Variants in PHLPP2 observed in about 807,000 individuals in gnomAD.
The protein encoded by PHLPP2 is PH domain leucine-rich repeat-containing protein phosphatase 2.
A neutral mutation model predicts 124.9 loss-of-function variants in PHLPP2; 66 were observed. The ratio of observed to expected loss-of-function variants is 0.53; its 90% CI spans 0.43 to 0.65. PHLPP2 has a LOEUF of 0.65. Ranked by LOEUF, PHLPP2 falls within the 30% of genes least tolerant of loss-of-function variation. The pLI is 0.00. For synonymous variants in PHLPP2, 681 were observed against 624.7 expected (o/e 1.09, Z -1.34); for missense variants, 1,685 against 1,600.4 (o/e 1.05, Z -0.90).
At chr16:71,655,751 A>G (rs1242009791) in intron 16 of PHLPP2, among the ~76,000 whole-genome samples, 1 of 152,024 alleles carries the variant, frequency 6.6e-6, no homozygotes, top group African/African-American at 2.4e-5. Context: ...TGGCCTCCCA[A>G]AGTCCTGGGA....
At chr16:71,652,628 T>C (rs2044704601) in intron 18 of PHLPP2, among the ~76,000 whole-genome samples, 162 bp downstream of exon 18, 1 of 152,236 alleles carries the variant, frequency 6.6e-6, no homozygotes, top group South Asian at 2.1e-4. Context: ...TGATCAGATT[T>C]TCCTCCAGTA....
At chr16:71,692,865 GGAC>G (rs1188320294) in intron 3 of PHLPP2, among the ~76,000 whole-genome samples, 1 of 151,634 alleles carries the variant, frequency 6.6e-6, no homozygotes, top group African/African-American at 2.4e-5. Flanking sequence ...TTGTGGATAT[GGAC>G]GACTGACTGT....
At chr16:71,700,523 T>TC (rs1329896111) in intron 3 of PHLPP2, among the ~76,000 whole-genome samples, 1 of 134,026 alleles carries the variant, frequency 7.5e-6, no homozygotes, top group East Asian at 2.1e-4. Context: ...TCATTTCTTT[T>TC]TTTTTTTTTT....
At chr16:71,704,438 G>C (rs2045259178) in intron 2 of PHLPP2, among the ~76,000 whole-genome samples, 1 of 151,886 alleles carries the variant, frequency 6.6e-6, no homozygotes, top group African/African-American at 2.4e-5. Context: ...AATGCTGTTG[G>C]CAACAAGCTG....
At chr16:71,712,088 C>G (rs181992035) in intron 2 of PHLPP2, among the ~76,000 whole-genome samples, 2 of 152,298 alleles carry the variant, frequency 1.3e-5, no homozygotes, top group Admixed American at 6.5e-5. Flanking sequence ...CTAAAAGCAA[C>G]GATACTACCT....
chr16:71,685,475 A>T (rs542071230), intron 4 of PHLPP2, among the ~76,000 whole-genome samples: 2 of 152,342 alleles, frequency 1.3e-5, no homozygotes, highest in South Asian at 4.1e-4. Flanking sequence ...AATCAGATGG[A>T]AACTTACATT....
In PHLPP2 at chr16:71,656,571, T is replaced by C. The variant is rs2044743761; in HGVS notation, c.2390A>G (p.Lys797Arg). ...GLAEMAGQRN[K>R]LCVSALAMDS... is the part of the protein sequence containing the mutation. The stretch of plus-strand genomic sequence containing the variant: ...CAGTCTCCATGGCCAATATACTCAC[T>C]TATTTCTCTGCCCTGCCATCTCAGC... Residue 797 changes from lysine (K) to arginine (R), a missense_variant and splice_region_variant, in exon 16 of 19, where the codon AAG becomes AGG. Physicochemically the swap from Lys to Arg is conservative, Grantham distance 26 (BLOSUM62 2). Transcript: ENST00000568954. 2 of 1,587,056 alleles carry C rather than the reference T, an allele frequency of 1.3e-6. No homozygotes were observed. Among genetic ancestry groups the C allele is most frequent in the South Asian group, 2.2e-5 (2 of 90,538 alleles).
intron 13 of PHLPP2, among the ~76,000 whole-genome samples, chr16:71,660,398 A>AG (rs1238871683): frequency 2.9e-5 from 4 of 139,794 alleles, no homozygotes; most frequent in Admixed American, 7.2e-5. Context: ...AAAAAAAAAA[A>AG]GGTACTATAT....
intron 3 of PHLPP2, among the ~76,000 whole-genome samples, chr16:71,694,158 C>A (rs562460771): frequency 6.6e-6 from 1 of 152,112 alleles, no homozygotes; most frequent in African/African-American, 2.4e-5. Flanking sequence ...CATGCCACTG[C>A]ACTCCAACCT....
At chr16:71,707,995 C>T (rs1231513373) in intron 2 of PHLPP2, among the ~76,000 whole-genome samples, 1 of 152,144 alleles carries the variant, frequency 6.6e-6, no homozygotes, top group East Asian at 1.9e-4. Context: ...CAGTGGCTCA[C>T]CCCTGTAATA....
At chr16:71,702,108 T>C (rs1050432043) in intron 3 of PHLPP2, among the ~76,000 whole-genome samples, 1 of 152,168 alleles carries the variant, frequency 6.6e-6, no homozygotes, top group Non-Finnish European at 1.5e-5. Context: ...AGATGGGTCG[T>C]GTTCCTCAAA....
intron 1 of PHLPP2, 26 bp from the exon 2 acceptor site, chr16:71,714,827 C>T (rs761574447): frequency 1.3e-6 from 2 of 1,593,206 alleles, no homozygotes; most frequent in Non-Finnish European, 1.7e-6. Context: ...AGAAAGAAAT[C>T]GTTAGCTAGA....
intron 10 of PHLPP2, among the ~76,000 whole-genome samples, 181 bp from the exon 11 acceptor site, chr16:71,669,551 G>C (rs542878457): frequency 6.6e-6 from 1 of 152,356 alleles, no homozygotes; most frequent in South Asian, 2.1e-4. Context: ...TGCTGAATTA[G>C]AAGGGAGAGG....
chr16:71,656,987 G>A (rs536776645), intron 15 of PHLPP2, among the ~76,000 whole-genome samples: 14 of 151,928 alleles, frequency 9.2e-5, no homozygotes, highest in Admixed American at 2.6e-4. Context: ...CTGTTGCCCA[G>A]GCTGGAGTGC....
At chr16:71,703,899 A>T (rs2045253682) in intron 2 of PHLPP2, among the ~76,000 whole-genome samples, 1 of 152,242 alleles carries the variant, frequency 6.6e-6, no homozygotes, top group Admixed American at 6.5e-5. Flanking sequence ...TAAGATTGGA[A>T]TCAATTTTAG....
chr16:71,680,410 C>A (rs1044621132), intron 6 of PHLPP2, among the ~76,000 whole-genome samples: 3 of 152,118 alleles, frequency 2.0e-5, no homozygotes, highest in Admixed American at 1.3e-4. Flanking sequence ...ATACACAACA[C>A]AAAATAATTT....
Position 71,678,903 on chromosome 16 carries a change from C to G in PHLPP2, c.1120G>C (p.Gly374Arg). 1.2e-6 allele frequency: 2 copies of G among 1,612,918 alleles called. No homozygotes were observed. Among genetic ancestry groups the G allele is most frequent in the Non-Finnish European group, 1.7e-6 (2 of 1,179,016 alleles). ...TGACTAAAGTTGTTGAAGGAAATTC[C>G]CAAGGAGGAAAGCTGTTGTAGATTT... ...LGNLQQLSSLGISFNNFSQIP... is the reference protein window; with the variant it reads ...LGNLQQLSSLRISFNNFSQIP... The change falls in exon 8 of 19, where the codon GGA (glycine) becomes CGA (arginine). Residue 374 changes from glycine (G) to arginine (R), a missense_variant. Physicochemically the swap from Gly to Arg is moderately radical, Grantham distance 125. Coordinates refer to ENST00000568954, the MANE Select transcript of PHLPP2 (RefSeq NM_015020.3).
chr16:71,700,981 T>C (rs573956832), intron 3 of PHLPP2, among the ~76,000 whole-genome samples: 1 of 152,248 alleles, frequency 6.6e-6, no homozygotes, highest in Admixed American at 6.5e-5. Context: ...TGAAGACGCC[T>C]AGGAAGCCCT....
At chr16:71,692,287 T>C (rs796290036) in intron 3 of PHLPP2, among the ~76,000 whole-genome samples, 9 of 152,234 alleles carry the variant, frequency 5.9e-5, no homozygotes, top group African/African-American at 2.2e-4. Context: ...GCCAGGATGG[T>C]CTCCATCTCC....
Sources: gnomAD v4.1 joint callset for allele counts (sites outside exome capture counted in the v4.1 genomes callset) on GRCh38, gnomAD v4.1.1 for gene constraint, MANE v1.5 for transcripts, NCBI Gene and HGNC (gene_info 2026-07-23, HGNC 2026-07-21) for gene names.